Variants in CC2D2B observed in about 807,000 individuals in gnomAD.
CC2D2B encodes the protein coiled-coil and C2 domain containing 2B.
A neutral mutation model predicts 161.2 loss-of-function variants in CC2D2B; 128 were observed. That is an observed-to-expected ratio of 0.79 (90% CI 0.69 to 0.92). The LOEUF is 0.92. Ranked by LOEUF, CC2D2B falls within the 40% of genes least tolerant of loss-of-function variation. The pLI, the probability that CC2D2B is intolerant of heterozygous loss-of-function variation, is 0.00. For missense variants in CC2D2B, 1,173 were observed against 1,375.1 expected (o/e 0.85, Z 2.32); for synonymous variants, 391 against 449.8 (o/e 0.87, Z 1.65).
rs1482562077 is a variant in CC2D2B at position 96,027,256 on chromosome 10, A to C, written c.3992A>C (p.Lys1331Thr). Reference sequence around the variant, plus strand: ...AGTAAAGTGATGGAATGGCGACCTAAACACCCAACACATTGGAATCGACAG... The same window carrying C: ...AGTAAAGTGATGGAATGGCGACCTACACACCCAACACATTGGAATCGACAG... ...LKSKVMEWRP[K>T]HPTHWNRQCT... Residue 1331 changes from lysine to threonine, a missense_variant, in exon 34 of 35, where the codon AAA becomes ACA. Physicochemically the swap from Lys to Thr is moderately conservative, Grantham distance 78. Around this residue, in one of 3 missense-constraint regions of CC2D2B, gnomAD observed 598 missense variants for 693.2 expected, o/e 0.86. Transcript: ENST00000646931. The C allele has an allele frequency of 1.3e-6, 2 of 1,549,340 alleles. No homozygotes were observed. Among genetic ancestry groups the C allele is most frequent in the Non-Finnish European group, 1.7e-6 (2 of 1,146,234 alleles).
intron 15 of CC2D2B, among the ~76,000 whole-genome samples, chr10:95,971,372 G>C (rs546784187): frequency 1.5e-5 from 2 of 137,372 alleles, no homozygotes; most frequent in South Asian, 2.3e-4. Context: ...CTGGGCAACA[G>C]AGCAAGACTC....
Position 96,019,707 on chromosome 10 carries a change from G to A in CC2D2B, c.3771G>A (p.Trp1257Ter). The part of the protein sequence containing the change: ...VDCLFDDRNV[W>*]FNIQQNNTPM... ...TTATATTAATGTTTTCATAGGTCTG[G>A]TTTAATATTCAACAAAATAATACAC... The change falls in exon 32 of 35, where the codon TGG (tryptophan) becomes TGA (stop). Residue 1257 changes from tryptophan (W) to a stop codon, truncating the protein, a stop_gained. Transcript: ENST00000646931. LOFTEE classifies it high-confidence loss of function. 2 of 1,587,810 alleles carry A rather than the reference G, an allele frequency of 1.3e-6. No homozygotes were observed. The highest frequency in any genetic ancestry group is 1.7e-6 in the Non-Finnish European group (2 of 1,171,418).
intron 1 of CC2D2B, among the ~76,000 whole-genome samples, chr10:95,909,909 G>T (rs2098503022): frequency 6.6e-6 from 1 of 152,222 alleles, no homozygotes; most frequent in Non-Finnish European, 1.5e-5. Flanking sequence ...TGCTTTGAGA[G>T]GCTGAGGCAG....
Position 95,996,244 on chromosome 10 carries a change from A to G in CC2D2B, c.2841A>G (p.Val947=), listed in dbSNP as rs2141716932. Reference sequence around the variant, plus strand: ...CATGCTGGAATGAAGAAATTAAAGTAGATTTTGTGTAAGTTGGAGTTCATT... The same window carrying G: ...CATGCTGGAATGAAGAAATTAAAGTGGATTTTGTGTAAGTTGGAGTTCATT... ...SHPCWNEEIK[V]DFVSPGHDYS... is the part of the protein sequence containing the mutation. The change falls in exon 24 of 35, where the codon GTA becomes GTG. Residue 947 remains valine, a synonymous_variant. Transcript: ENST00000646931. 7.0e-7 allele frequency: 1 copy of G among 1,429,296 alleles called. No individual in the cohort carries two copies. The highest frequency in any genetic ancestry group is 1.4e-5 in the South Asian group (1 of 71,274). 88.5% of individuals were successfully genotyped at this position (1,429,296 alleles called of 1,614,324 possible).
chr10:95,987,919 T>C (rs1052591548), intron 19 of CC2D2B, among the ~76,000 whole-genome samples: 1 of 152,218 alleles, frequency 6.6e-6, no homozygotes. Context: ...TTTTTAGTGA[T>C]ACAGGGCAAA....
chr10:96,000,846 A>G (rs2078461557), intron 24 of CC2D2B: 1 of 152,212 alleles, frequency 6.6e-6, no homozygotes, highest in Admixed American at 6.5e-5. Flanking sequence ...TTTTAAAAAA[A>G]TCTTCTTTAA....
chr10:96,018,331 G>A (rs2079296573), intron 30 of CC2D2B, among the ~76,000 whole-genome samples: 1 of 152,128 alleles, frequency 6.6e-6, no homozygotes, highest in Non-Finnish European at 1.5e-5. Context: ...CTGGTTTCCT[G>A]CATACTTCCC....
chr10:95,988,454 C>T (rs913487073), intron 20 of CC2D2B, 112 bp downstream of exon 20: 2 of 418,036 alleles, frequency 4.8e-6, no homozygotes, highest in Non-Finnish European at 4.1e-6. Flanking sequence ...TCCACTCACT[C>T]GTCACCTCTT....
At chr10:95,997,056 T>C (rs2078258602) in intron 24 of CC2D2B, among the ~76,000 whole-genome samples, 7 of 152,242 alleles carry the variant, frequency 4.6e-5, no homozygotes, top group Admixed American at 3.9e-4. Context: ...TGCTGACATC[T>C]TGATTTTGAA....
chr10:95,985,144 G>A (rs2077669671), intron 19 of CC2D2B, among the ~76,000 whole-genome samples: 1 of 152,160 alleles, frequency 6.6e-6, no homozygotes, highest in Admixed American at 6.5e-5. Context: ...AAAAGAATCT[G>A]AGTAAATGTT....
intron 6 of CC2D2B, among the ~76,000 whole-genome samples, chr10:95,929,702 T>C (rs1354232210): frequency 6.6e-6 from 1 of 152,154 alleles, no homozygotes; most frequent in Non-Finnish European, 1.5e-5. Flanking sequence ...GATCAGATGG[T>C]TGTAGATGTG....
rs34953711 is a variant in CC2D2B at position 95,987,046 on chromosome 10, C to T, written c.2287-1204C>T. ...AAAAGTAAATAAAGTGATATGAGGC[C>T]GGGTATGGTGGCTCATGCCTGTAAT... On this transcript the variant is annotated intron_variant, in intron 19 of 34. Transcript: ENST00000646931. Among the ~76,000 whole-genome samples, 1,044 of 152,024 alleles carry T rather than the reference C, an allele frequency of 6.9e-3. 5 individuals carry two copies. Among genetic ancestry groups the T allele is most frequent in the Non-Finnish European group, 9.5e-3 (645 of 67,974 alleles).
rs1354528075 is a variant in CC2D2B at position 95,996,163 on chromosome 10, GGAA to G, written c.2762_2764del (p.Glu921del). 5.4e-5 allele frequency: 81 copies of G among 1,493,878 alleles called. No homozygotes were observed. Among genetic ancestry groups the G allele is most frequent in the Admixed American group, 1.8e-4 (9 of 49,694 alleles). The allele number at this position is 1,493,878 out of a possible 1,614,324, so 92.5% of individuals were successfully genotyped here. A position where few individuals can be genotyped will look rare whatever the true frequency, so the allele number is the denominator to read the frequency against. On this transcript the variant is annotated inframe_deletion, in exon 24 of 35. Coordinates refer to ENST00000646931, the MANE Select transcript of CC2D2B (RefSeq NM_001349008.3). ...TTCAGGATACTGTACATCCATTCGT[GGAA>G]GTTTCTTTCCAGCACACTGTATACA...
intron 18 of CC2D2B, among the ~76,000 whole-genome samples, chr10:95,983,138 C>T (rs2077592845): frequency 6.6e-6 from 1 of 152,206 alleles, no homozygotes; most frequent in Non-Finnish European, 1.5e-5. Context: ...ATCTGTGTCT[C>T]TCTGATGGCA....
intron 34 of CC2D2B, 128 bp from the exon 35 acceptor site, chr10:96,031,692 C>A: frequency 2.4e-6 from 2 of 822,734 alleles, no homozygotes; most frequent in African/African-American, 1.7e-5. Flanking sequence ...AATTTGGCAC[C>A]CACAGACAAC....
chr10:96,005,292 A>G (rs1363702409), intron 25 of CC2D2B, among the ~76,000 whole-genome samples: 2 of 152,180 alleles, frequency 1.3e-5, no homozygotes, highest in African/African-American at 4.8e-5. Context: ...AGTGCTTTGC[A>G]TTGTTATTAG....
intron 29 of CC2D2B, 23 bp downstream of exon 29, chr10:96,013,900 T>C: frequency 3.4e-6 from 4 of 1,187,788 alleles, no homozygotes; most frequent in Non-Finnish European, 4.6e-6. Context: ...ATTTTATATA[T>C]ATAATTGAAA....
chr10:95,989,508 G>A (rs1383509992), intron 20 of CC2D2B, among the ~76,000 whole-genome samples: 3 of 152,164 alleles, frequency 2.0e-5, no homozygotes, highest in African/African-American at 7.2e-5. Context: ...AAGTTGGGAT[G>A]TGCTTTAATA....
At chr10:95,992,844 AG>A (rs897909044) in intron 22 of CC2D2B, 147 bp downstream of exon 22, 8 of 505,162 alleles carry the variant, frequency 1.6e-5, no homozygotes, top group African/African-American at 1.6e-4. Context: ...TCATTTGCAT[AG>A]TCATACCTAC....
Sources: gnomAD v4.1 joint callset for allele counts (sites outside exome capture counted in the v4.1 genomes callset) on GRCh38, gnomAD v4.1.1 for gene constraint, gnomAD v4.1.1 regional missense constraint, MANE v1.5 for transcripts, NCBI Gene and HGNC (gene_info 2026-07-23, HGNC 2026-07-21) for gene names.